The following GALNTL6 variants were observed in gnomAD, a reference collection of about 807,000 sequenced individuals.
The protein encoded by GALNTL6 is polypeptide N-acetylgalactosaminyltransferase like 6, also known as polypeptide N-acetylgalactosaminyltransferase-like 6.
Under a neutral mutation model 73.7 loss-of-function variants are expected in GALNTL6, and 46 were observed. The observed-to-expected ratio is 0.62, with a 90% CI of 0.49 to 0.80. The LOEUF (loss-of-function observed/expected upper bound fraction) is 0.80. Among genes scored for constraint, GALNTL6 ranks in the 30% least tolerant of loss-of-function variants. GALNTL6 has a pLI of 0.00. For missense variants in GALNTL6, 604 were observed against 755.0 expected, an observed-to-expected ratio of 0.80 and a Z score of 2.34; for synonymous variants, 259 against 263.7, an observed-to-expected ratio of 0.98 and a Z score of 0.17.
At chr4:172,393,557 A>C (rs1390180576) in intron 5 of GALNTL6, among the ~76,000 whole-genome samples, 2 of 152,236 alleles carry the variant, frequency 1.3e-5, no homozygotes, top group Non-Finnish European at 2.9e-5. Flanking sequence ...CGTCTCTTTT[A>C]AAAATCTCAT....
At chr4:172,883,004 C>T in intron 8 of GALNTL6, 97 bp downstream of exon 8, 1 of 686,834 alleles carries the variant, frequency 1.5e-6, no homozygotes, top group Non-Finnish European at 2.6e-6. Context: ...TCTGGGATGA[C>T]TTAATGGTAA....
At chr4:172,991,167 T>C (rs1171376575) in intron 10 of GALNTL6, among the ~76,000 whole-genome samples, 1 of 152,180 alleles carries the variant, frequency 6.6e-6, no homozygotes, top group Non-Finnish European at 1.5e-5. Context: ...CTTAAACTTT[T>C]ACTCATTAAT....
At chr4:171,823,922 T>G (rs1183787314) in intron 2 of GALNTL6, among the ~76,000 whole-genome samples, 1 of 150,562 alleles carries the variant, frequency 6.6e-6, no homozygotes, top group East Asian at 1.9e-4. Context: ...GATAATATAT[T>G]CATAATAAAA....
At chr4:172,684,151 C>A (rs1732788931) in intron 5 of GALNTL6, among the ~76,000 whole-genome samples, 1 of 152,140 alleles carries the variant, frequency 6.6e-6, no homozygotes, top group Non-Finnish European at 1.5e-5. Flanking sequence ...TAAAGAAAAT[C>A]AGAATCTTTA....
At chr4:172,156,555 A>ATATATATAGTATATATG (rs1560945715) in intron 2 of GALNTL6, among the ~76,000 whole-genome samples, 2 of 136,462 alleles carry the variant, frequency 1.5e-5, no homozygotes, top group African/African-American at 2.9e-5. Context: ...ATATATATAT[A>ATATATATAGTATATATG]TATATATATA....
intron 5 of GALNTL6, among the ~76,000 whole-genome samples, chr4:172,733,485 T>G (rs776196610): frequency 1.2e-4 from 18 of 152,116 alleles, no homozygotes; most frequent in Non-Finnish European, 2.4e-4. Flanking sequence ...TTGATATGGT[T>G]TGGCTGTGTC....
At chr4:172,550,294 G>A (rs550978929) in intron 5 of GALNTL6, among the ~76,000 whole-genome samples, 6 of 152,020 alleles carry the variant, frequency 3.9e-5, no homozygotes, top group South Asian at 2.1e-4. Flanking sequence ...GAGAGTTCCC[G>A]CTTTCTCATA....
chr4:172,609,441 C>T (rs1006402619), intron 5 of GALNTL6, among the ~76,000 whole-genome samples: 1 of 152,060 alleles, frequency 6.6e-6, no homozygotes, highest in African/African-American at 2.4e-5. Context: ...AGATGAATCA[C>T]ATTTATTGAT....
At chr4:171,957,986 T>C (rs1340018445) in intron 2 of GALNTL6, among the ~76,000 whole-genome samples, 12 of 152,200 alleles carry the variant, frequency 7.9e-5, no homozygotes, top group Non-Finnish European at 1.0e-4. Context: ...TGAACCTGCA[T>C]GTAAAACGTT....
intron 5 of GALNTL6, among the ~76,000 whole-genome samples, chr4:172,351,181 G>GTCTGTCTGTCTA (rs139731159): frequency 2.8e-3 from 347 of 122,584 alleles, no homozygotes; most frequent in African/African-American, 6.6e-3. Flanking sequence ...ACAATAATCT[G>GTCTGTCTGTCTA]TCTATCTATC....
intron 7 of GALNTL6, among the ~76,000 whole-genome samples, chr4:172,841,178 C>T (rs554115715): frequency 6.6e-6 from 1 of 152,228 alleles, no homozygotes; most frequent in Admixed American, 6.5e-5. Context: ...TTCCATGAAG[C>T]CTCAGAAATA....
At chr4:172,677,810 A>C (rs1732392628) in intron 5 of GALNTL6, among the ~76,000 whole-genome samples, 1 of 152,034 alleles carries the variant, frequency 6.6e-6, no homozygotes, top group African/African-American at 2.4e-5. Context: ...AGGAGGAAAC[A>C]ATTCTCACCA....
At chr4:172,623,438 G>T (rs140859770) in intron 5 of GALNTL6, among the ~76,000 whole-genome samples, 1,660 of 152,164 alleles carry the variant, frequency 0.011, 22 homozygotes, top group Non-Finnish European at 0.017. Context: ...AGGAGGAAAA[G>T]ATGGATAATG....
chr4:172,026,225 TG>T (rs34534414), intron 2 of GALNTL6, among the ~76,000 whole-genome samples: 71,234 of 151,776 alleles, frequency 0.47, 17,008 homozygotes, highest in Admixed American at 0.56. Context: ...GGATTATAAA[TG>T]TAGGTATTTC....
chr4:172,350,696 G>T (rs188760031), intron 5 of GALNTL6, among the ~76,000 whole-genome samples: 1 of 152,154 alleles, frequency 6.6e-6, no homozygotes, highest in East Asian at 1.9e-4. Context: ...GTGATAAAAT[G>T]CTTCTATAAT....
rs574718630 is a variant in GALNTL6, at chr4:172,717,159, A to G, written c.554-92202A>G. Among the ~76,000 whole-genome samples, 18 of 152,340 alleles carry G rather than the reference A, an allele frequency of 1.2e-4. No individual in the cohort carries two copies. The South Asian group carries it at 2.9e-3, about 25-fold the overall frequency. On this transcript the variant is annotated intron_variant, in intron 5 of 12. Transcript: ENST00000506823. Reference sequence around the variant, plus strand: ...GTGTCATTTAATTTTCAGTAGCCAAAATAAAGCCTTAGCCAAATTAAGCCT... The same window carrying G: ...GTGTCATTTAATTTTCAGTAGCCAAGATAAAGCCTTAGCCAAATTAAGCCT...
intron 5 of GALNTL6, among the ~76,000 whole-genome samples, chr4:172,351,208 T>TATC (rs1561040587): frequency 6.6e-6 from 1 of 152,136 alleles, no homozygotes; most frequent in African/African-American, 2.4e-5. Flanking sequence ...TCTATCTATC[T>TATC]ATCTATCTAT....
At chr4:172,800,333 A>C (rs1329287944) in intron 5 of GALNTL6, among the ~76,000 whole-genome samples, 2 of 152,194 alleles carry the variant, frequency 1.3e-5, no homozygotes, top group African/African-American at 2.4e-5. Context: ...AAAATAAGTT[A>C]GAGATTTGTT....
At position 172,557,720 on chromosome 4, in the gene GALNTL6, A is replaced by C. The variant is rs1054372170; in HGVS notation, c.553+209031A>C. 5.9e-5 allele frequency among the ~76,000 whole-genome samples: 9 copies of C among 152,304 alleles called. No homozygotes were observed. The South Asian group carries it at 6.2e-4, about 11-fold the overall frequency. On this transcript the variant is annotated intron_variant, in intron 5 of 12. Transcript: ENST00000506823. ...CTACATAAATTCTAGAATGGCTGAC[A>C]TTTAAAAAGACTTTCCAATACCAAT... is the stretch of plus-strand genomic sequence containing the variant.
Sources: gnomAD v4.1 joint callset for allele counts (sites outside exome capture counted in the v4.1 genomes callset) on GRCh38, gnomAD v4.1.1 for gene constraint, MANE v1.5 for transcripts, NCBI Gene and HGNC (gene_info 2026-07-23, HGNC 2026-07-21) for gene names.